The following PCDH15 variants were observed in gnomAD, a reference collection of about 807,000 sequenced individuals.
PCDH15 encodes protocadherin related 15.
Under a neutral mutation model 178.5 loss-of-function variants are expected in PCDH15, and 129 were observed. The observed-to-expected ratio is 0.72, with a 90% CI of 0.63 to 0.84. The LOEUF (loss-of-function observed/expected upper bound fraction) is 0.84. Among genes scored for constraint, PCDH15 ranks in the 40% least tolerant of loss-of-function variants. PCDH15 has a pLI of 0.00. For synonymous variants in PCDH15, 800 were observed against 732.0 expected (o/e 1.09, Z -1.50); for missense variants, 2,230 against 2,099.9 (o/e 1.06, Z -1.21).
chr10:54,581,370 T>A (rs1235601358), intron 2 of PCDH15, among the ~76,000 whole-genome samples: 2 of 151,976 alleles, frequency 1.3e-5, no homozygotes, highest in Non-Finnish European at 2.9e-5. Flanking sequence ...TATGAATACA[T>A]CCAACAAAGA....
chr10:55,107,129 A>G (rs888412914), intron 2 of PCDH15, among the ~76,000 whole-genome samples: 1 of 152,220 alleles, frequency 6.6e-6, no homozygotes, highest in African/African-American at 2.4e-5. Flanking sequence ...ATATGAGTGC[A>G]TCCAGAAGAA....
intron 10 of PCDH15, among the ~76,000 whole-genome samples, 191 bp downstream of exon 10, chr10:54,213,745 G>T (rs1354360043): frequency 6.6e-6 from 1 of 152,058 alleles, no homozygotes; most frequent in East Asian, 1.9e-4. Context: ...ACTATAAAAC[G>T]TTATTTTAGA....
chr10:54,078,754 A>T (rs1590278185), intron 17 of PCDH15, among the ~76,000 whole-genome samples: 1 of 148,800 alleles, frequency 6.7e-6, no homozygotes, highest in Non-Finnish European at 1.5e-5. Flanking sequence ...ATGTCTAACA[A>T]TTTTTTTTTT....
intron 8 of PCDH15, among the ~76,000 whole-genome samples, chr10:54,287,439 T>C (rs1472443263): frequency 2.6e-5 from 4 of 152,206 alleles, no homozygotes; most frequent in African/African-American, 9.6e-5. Flanking sequence ...AATGCCTTTT[T>C]TTCTGCAAAA....
chr10:54,104,367 G>A (rs1446746527), intron 15 of PCDH15, among the ~76,000 whole-genome samples: 2 of 152,062 alleles, frequency 1.3e-5, no homozygotes, highest in African/African-American at 4.8e-5. Flanking sequence ...CTTTAACAGG[G>A]GACACCTGGC....
At chr10:54,346,602 C>T in intron 5 of PCDH15, 118 bp from the exon 6 acceptor site, 1 of 1,122,626 alleles carries the variant, frequency 8.9e-7, no homozygotes, top group Non-Finnish European at 1.3e-6. Context: ...TGGCAGCCCA[C>T]AACCACAAAC....
intron 2 of PCDH15, among the ~76,000 whole-genome samples, chr10:55,385,119 A>C (rs995648505): frequency 6.6e-6 from 1 of 152,192 alleles, no homozygotes; most frequent in Non-Finnish European, 1.5e-5. Flanking sequence ...TCAAAGAATT[A>C]CATGACAGTA....
At chr10:54,501,435 C>T (rs1361332624) in intron 3 of PCDH15, among the ~76,000 whole-genome samples, 3 of 152,076 alleles carry the variant, frequency 2.0e-5, no homozygotes, top group Admixed American at 6.6e-5. Context: ...TGTTAATTCA[C>T]AACTTGTAAA....
At chr10:55,148,791 T>C (rs934006423) in intron 2 of PCDH15, among the ~76,000 whole-genome samples, 1 of 150,360 alleles carries the variant, frequency 6.7e-6, no homozygotes, top group Non-Finnish European at 1.5e-5. Flanking sequence ...AAATCTTATA[T>C]ATAAAACATG....
intron 2 of PCDH15, among the ~76,000 whole-genome samples, chr10:55,344,859 T>C (rs1844703517): frequency 6.6e-6 from 1 of 152,070 alleles, no homozygotes; most frequent in Non-Finnish European, 1.5e-5. Flanking sequence ...GGTCCAAGGA[T>C]TGCACTCTGG....
At chr10:54,477,455 G>A (rs1018756787) in intron 3 of PCDH15, among the ~76,000 whole-genome samples, 6 of 152,070 alleles carry the variant, frequency 3.9e-5, no homozygotes, top group Non-Finnish European at 7.4e-5. Context: ...GCATCTCTAC[G>A]CATCTGCGTC....
chr10:54,823,946 A>G (rs1203608328), intron 3 of PCDH15, among the ~76,000 whole-genome samples: 1 of 152,166 alleles, frequency 6.6e-6, no homozygotes, highest in African/African-American at 2.4e-5. Flanking sequence ...AGAAAAGACA[A>G]ACAAATTTAT....
intron 17 of PCDH15, among the ~76,000 whole-genome samples, chr10:54,073,850 T>C (rs1014627509): frequency 1.1e-4 from 17 of 152,218 alleles, no homozygotes; most frequent in Admixed American, 9.2e-4. Flanking sequence ...TCTTTCACTG[T>C]GTTATTGGTT....
At chr10:54,565,233 T>C (rs866432470) in intron 2 of PCDH15, among the ~76,000 whole-genome samples, 45 of 152,224 alleles carry the variant, frequency 3.0e-4, no homozygotes, top group Admixed American at 2.6e-3. Context: ...ATTTCTTTTA[T>C]TATAAATCAA....
At chr10:55,253,231 T>C (rs569535056) in intron 1 of PCDH15, among the ~76,000 whole-genome samples, 30 of 110,646 alleles carry the variant, frequency 2.7e-4, no homozygotes, top group Non-Finnish European at 4.7e-4. Flanking sequence ...AGTATGTGCG[T>C]GTGTGTGTGT....
intron 2 of PCDH15, among the ~76,000 whole-genome samples, chr10:54,954,766 C>G (rs553908027): frequency 5.2e-4 from 79 of 151,244 alleles, no homozygotes; most frequent in Admixed American, 9.9e-4. Flanking sequence ...TAAAGGTGTT[C>G]TCCCCTTTAT....
At chr10:55,117,798 C>G (rs1837664080) in intron 2 of PCDH15, among the ~76,000 whole-genome samples, 1 of 152,206 alleles carries the variant, frequency 6.6e-6, no homozygotes, top group South Asian at 2.1e-4. Context: ...TACAAGGTAC[C>G]ATAAGTTGCT....
chr10:55,623,484 T>C (rs1449569294), intron 2 of PCDH15, among the ~76,000 whole-genome samples: 12 of 152,176 alleles, frequency 7.9e-5, no homozygotes, highest in South Asian at 6.2e-4. Flanking sequence ...TTTTGGGTAG[T>C]ATGGATGAAT....
intron 2 of PCDH15, among the ~76,000 whole-genome samples, chr10:54,603,915 G>C (rs1225331447): frequency 1.3e-5 from 2 of 152,004 alleles, no homozygotes; most frequent in African/African-American, 4.8e-5. Flanking sequence ...ATTGGGCCCA[G>C]TTGCTATAAT....
Sources: allele counts gnomAD v4.1 joint callset (sites outside exome capture counted in the v4.1 genomes callset), GRCh38; gene constraint gnomAD v4.1.1; transcripts MANE v1.5; gene names NCBI Gene and HGNC (gene_info 2026-07-23, HGNC 2026-07-21).